FBXO42: variants seen among roughly 807,000 people sequenced by gnomAD.
FBXO42 encodes the protein F-box protein 42, also known as F-box only protein 42.
In FBXO42, 12 loss-of-function variants were observed where a neutral mutation model predicts 71.7. The ratio of observed to expected loss-of-function variants is 0.17; its 90% CI spans 0.11 to 0.27. FBXO42 has a LOEUF of 0.27. Ranked by LOEUF, FBXO42 falls within the 10% of genes least tolerant of loss-of-function variation. The probability of loss-of-function intolerance (pLI) is 1.00; values close to 1 mark genes in which losing one functional copy is unlikely to be tolerated. For synonymous variants in FBXO42, 325 were observed against 327.5 expected, an observed-to-expected ratio of 0.99 and a Z score of 0.08; for missense variants, 707 against 911.9, an observed-to-expected ratio of 0.78 and a Z score of 2.89.
chr1:16,332,674 G>A (rs2082511613), intron 1 of FBXO42, among the ~76,000 whole-genome samples: 1 of 151,716 alleles, frequency 6.6e-6, no homozygotes, highest in Non-Finnish European at 1.5e-5. Flanking sequence ...CTGAACAGCT[G>A]GGATTACAGA....
chr1:16,334,677 CA>C (rs1168031288), intron 1 of FBXO42, among the ~76,000 whole-genome samples: 1 of 152,012 alleles, frequency 6.6e-6, no homozygotes, highest in African/African-American at 2.4e-5. Flanking sequence ...CATTACCATA[CA>C]AAAGATAATA....
rs1569798205 is a variant in FBXO42 at position 16,250,510 on chromosome 1, T to G, written c.*160A>C. On this transcript the variant is annotated 3_prime_UTR_variant, in exon 10 of 10. Coordinates refer to ENST00000375592, the MANE Select transcript of FBXO42 (RefSeq NM_018994.3). The surrounding 1 kb of genome is among the most constrained non-coding windows in gnomAD (Gnocchi z 4.7). Reference sequence around the variant, plus strand: ...ATATATTTATATATAATTTTTTTTCTTAATGGAGATTTGATCCCAGCCTGG... The same window carrying G: ...ATATATTTATATATAATTTTTTTTCGTAATGGAGATTTGATCCCAGCCTGG... 3.2e-5 allele frequency: 12 copies of G among 370,212 alleles called. No homozygotes were observed. In the East Asian group the frequency reaches 5.8e-4, roughly 18 times the overall value. 22.9% of individuals were successfully genotyped at this position (370,212 alleles called of 1,614,324 possible). A position where few individuals can be genotyped will look rare whatever the true frequency, so the allele number is the denominator to read the frequency against.
At chr1:16,287,887 G>C (rs991660102) in intron 4 of FBXO42, among the ~76,000 whole-genome samples, 1 of 152,022 alleles carries the variant, frequency 6.6e-6, no homozygotes, top group African/African-American at 2.4e-5. Context: ...ATTAACCTCA[G>C]GTGATGAAAC....
At chr1:16,303,993 C>T (rs375694111) in intron 3 of FBXO42, among the ~76,000 whole-genome samples, 18 of 152,258 alleles carry the variant, frequency 1.2e-4, no homozygotes, top group South Asian at 6.2e-4. Flanking sequence ...TTAGCAGAGA[C>T]GGGGTTGTAC....
intron 1 of FBXO42, among the ~76,000 whole-genome samples, chr1:16,345,905 A>G (rs2082651147): frequency 6.6e-6 from 1 of 151,936 alleles, no homozygotes; most frequent in African/African-American, 2.4e-5. Flanking sequence ...ATTTCACTTC[A>G]ATGACAGGTA....
chr1:16,301,362 T>C (rs374682975), intron 3 of FBXO42, among the ~76,000 whole-genome samples: 1 of 152,018 alleles, frequency 6.6e-6, no homozygotes, highest in South Asian at 2.1e-4. Flanking sequence ...GAACAAGGTG[T>C]TGTGAAACAG....
intron 1 of FBXO42, among the ~76,000 whole-genome samples, chr1:16,348,056 T>A (rs1379995517): frequency 6.6e-6 from 1 of 151,516 alleles, no homozygotes; most frequent in Non-Finnish European, 1.5e-5. Flanking sequence ...AGCTATATTA[T>A]AAGCTTAATG....
chr1:16,278,303 C>T (rs1178767961), intron 4 of FBXO42, among the ~76,000 whole-genome samples: 1 of 151,584 alleles, frequency 6.6e-6, no homozygotes, highest in Non-Finnish European at 1.5e-5. Flanking sequence ...TTGCAGTGAG[C>T]CGGAGATCAC....
intron 4 of FBXO42, among the ~76,000 whole-genome samples, chr1:16,286,677 A>G (rs2082024996): frequency 6.6e-6 from 1 of 152,184 alleles, no homozygotes; most frequent in Non-Finnish European, 1.5e-5. Context: ...CCATATACAT[A>G]TATCTCCACC....
chr1:16,295,467 T>C (rs2082118961), intron 3 of FBXO42, among the ~76,000 whole-genome samples: 1 of 152,096 alleles, frequency 6.6e-6, no homozygotes, highest in Non-Finnish European at 1.5e-5. Context: ...CTCGGCTCAC[T>C]GCAACATCTG....
In FBXO42 at chr1:16,321,460, C is replaced by T. The variant is rs201658897; in HGVS notation, c.-17-6025G>A. 8.9e-4 allele frequency among the ~76,000 whole-genome samples: 136 copies of T among 152,344 alleles called. 1 individual carries two copies. Among genetic ancestry groups the T allele is most frequent in the Middle Eastern group, 6.8e-3 (2 of 294 alleles). On this transcript the variant is annotated intron_variant, in intron 1 of 9. Transcript: ENST00000375592. ...CTTTTCACACGTAAGCATACTAACTCAATGAATGTAATTTTCATGAAACTG... is the reference window on the plus strand; with the variant it reads ...CTTTTCACACGTAAGCATACTAACTTAATGAATGTAATTTTCATGAAACTG...
At chr1:16,254,004 T>C (rs1557568821) in intron 6 of FBXO42, among the ~76,000 whole-genome samples, 1 of 152,306 alleles carries the variant, frequency 6.6e-6, no homozygotes, top group East Asian at 1.9e-4. Context: ...AAAATGAAAA[T>C]ACTGTTACTA....
intron 1 of FBXO42, among the ~76,000 whole-genome samples, chr1:16,321,034 C>CAAATCAGAATCCCAATTTCCCA (rs2082406493): frequency 6.6e-6 from 1 of 152,150 alleles, no homozygotes; most frequent in African/African-American, 2.4e-5. Flanking sequence ...CTATTTTTCC[C>CAAATCAGAATCCCAATTTCCCA]AATCAGAATA....
intron 1 of FBXO42, among the ~76,000 whole-genome samples, chr1:16,347,892 G>A (rs2100647682): frequency 6.6e-6 from 1 of 151,950 alleles, no homozygotes; most frequent in African/African-American, 2.4e-5. Flanking sequence ...GGGAGGCTGA[G>A]GCAGGAGAAT....
At chr1:16,282,003 G>A (rs1360657214) in intron 4 of FBXO42, among the ~76,000 whole-genome samples, 1 of 151,298 alleles carries the variant, frequency 6.6e-6, no homozygotes. Flanking sequence ...CCTGGCCAAA[G>A]GTAGCTATTT....
intron 3 of FBXO42, among the ~76,000 whole-genome samples, chr1:16,300,957 G>A (rs1307227442): frequency 1.4e-5 from 2 of 142,636 alleles, no homozygotes; most frequent in African/African-American, 5.4e-5. Context: ...AGAGTGCAGT[G>A]GCATAATCTT....
intron 2 of FBXO42, among the ~76,000 whole-genome samples, chr1:16,306,663 T>C (rs1476496276): frequency 1.3e-5 from 2 of 152,200 alleles, no homozygotes; most frequent in Admixed American, 6.6e-5. Context: ...GTCTTAAATA[T>C]GGAGATAATA....
At chr1:16,282,755 C>A (rs1401349424) in intron 4 of FBXO42, among the ~76,000 whole-genome samples, 11 of 151,492 alleles carry the variant, frequency 7.3e-5, no homozygotes, top group Non-Finnish European at 1.5e-4. Context: ...CCAAGGCGGG[C>A]AGATCACCTG....
At chr1:16,320,002 G>C (rs2082398943) in intron 1 of FBXO42, among the ~76,000 whole-genome samples, 2 of 151,628 alleles carry the variant, frequency 1.3e-5, no homozygotes, top group African/African-American at 2.4e-5. Flanking sequence ...CAACATGACT[G>C]ACTCGCTAGA....
Sources: gnomAD v4.1 joint callset for allele counts (sites outside exome capture counted in the v4.1 genomes callset) on GRCh38, gnomAD v4.1.1 for gene constraint, Gnocchi (gnomAD v3.1) non-coding constraint, MANE v1.5 for transcripts, NCBI Gene and HGNC (gene_info 2026-07-23, HGNC 2026-07-21) for gene names.